The following MTFR2 variants were observed in gnomAD, a reference collection of about 807,000 sequenced individuals.
The protein encoded by MTFR2 is DUF729 domain-containing protein 1.
A neutral mutation model predicts 41.2 loss-of-function variants in MTFR2; 44 were observed. The ratio of observed to expected loss-of-function variants is 1.07; its 90% CI spans 0.84 to 1.37. The LOEUF (loss-of-function observed/expected upper bound fraction) is 1.37, where lower values mean the gene tolerates loss of function less well. Among genes scored for constraint, MTFR2 ranks in the 40% most tolerant of loss-of-function variants. The probability of loss-of-function intolerance (pLI) is 0.00; values close to 1 mark genes in which losing one functional copy is unlikely to be tolerated. For synonymous variants in MTFR2, 141 were observed against 154.6 expected (o/e 0.91, Z 0.65); for missense variants, 452 against 459.5 (o/e 0.98, Z 0.15).
At chr6:136,241,701 T>C in intron 4 of MTFR2, 25 bp from the exon 5 acceptor site, 1 of 1,544,132 alleles carries the variant, frequency 6.5e-7, no homozygotes, top group Non-Finnish European at 8.9e-7. Context: ...AAATAGGAAA[T>C]GGAGGGAAGA....
intron 6 of MTFR2, among the ~76,000 whole-genome samples, chr6:136,238,889 A>C (rs1779975432): frequency 1.3e-5 from 2 of 152,154 alleles, no homozygotes; most frequent in South Asian, 4.1e-4. Context: ...CAACATGGCG[A>C]AACCCCATCT....
At chr6:136,232,060 T>G (rs1263573943) in intron 7 of MTFR2, among the ~76,000 whole-genome samples, 1 of 152,184 alleles carries the variant, frequency 6.6e-6, no homozygotes, top group Non-Finnish European at 1.5e-5. Context: ...AAACATTTAT[T>G]TTAGACACAC....
intron 3 of MTFR2, 122 bp from the exon 4 acceptor site, chr6:136,243,095 G>C (rs1465049215): frequency 3.5e-6 from 2 of 572,614 alleles, no homozygotes; most frequent in Admixed American, 7.8e-5. Context: ...ATATTCAATA[G>C]AAAAACATGT....
rs1779753738 is a variant in MTFR2 at position 136,231,442 on chromosome 6, A to C, written c.1045-54T>G. ...AATTATTCTAATGTCAAAAAAAAAA[A>C]AGAATGGCAAGACAAAGGCCAGATG... On this transcript the variant is annotated intron_variant, in intron 7 of 7. Transcript: ENST00000420702. 25 of 1,121,240 alleles carry C rather than the reference A, an allele frequency of 2.2e-5. No homozygotes were observed. The South Asian group carries it at 3.5e-4, about 16-fold the overall frequency. The allele number at this position is 1,121,240 out of a possible 1,614,324, so 69.5% of individuals were successfully genotyped here.
chr6:136,239,638 A>C lies in MTFR2; in HGVS notation c.697T>G (p.Ser233Ala). 6.2e-7 allele frequency: 1 copy of C among 1,614,012 alleles called. No individual in the cohort carries two copies. The highest frequency in any genetic ancestry group is 8.5e-7 in the Non-Finnish European group (1 of 1,180,018). ...TTATCTGAGTCACAAATATTATTAG[A>C]TCCTGGTTGTACGGGAGGAAAACAC... ...PPCFPPVQPG[S>A]NNICDSDNPA... Residue 233 changes from serine to alanine, a missense_variant, in exon 6 of 8, where the codon TCT becomes GCT. By Grantham distance (99) the Ser-to-Ala change is moderately conservative (BLOSUM62 1). Transcript: ENST00000420702.
At chr6:136,231,429 GTC>G in intron 7 of MTFR2, 41 bp from the exon 8 acceptor site, 1 of 1,242,484 alleles carries the variant, frequency 8.0e-7, no homozygotes, top group Admixed American at 2.3e-5. Flanking sequence ...TTATTCTAAT[GTC>G]AAAAAAAAAA....
chr6:136,233,405 C>A lies in MTFR2; in HGVS notation c.964G>T (p.Ala322Ser). The change falls in exon 7 of 8, where the codon GCA becomes TCA. Residue 322 changes from alanine to serine, a missense_variant. By Grantham distance (99) the Ala-to-Ser change is moderately conservative (BLOSUM62 1). Transcript: ENST00000420702. ...TCAAAAGAATCATCTTCTTGAAATG[C>A]AAATTTCTGTTTAAGTGCATGAGAT... ...LISHALKQKF[A>S]FQEDDSFEKE... 1 of 1,611,638 alleles carries A rather than the reference C, an allele frequency of 6.2e-7. No individual in the cohort carries two copies. The highest frequency in any genetic ancestry group is 8.5e-7 in the Non-Finnish European group (1 of 1,178,582).
chr6:136,245,296 A>C (rs1780186984), intron 2 of MTFR2, among the ~76,000 whole-genome samples: 1 of 152,220 alleles, frequency 6.6e-6, no homozygotes, highest in Non-Finnish European at 1.5e-5. Context: ...GAGTATACTT[A>C]TGTAATTTCC....
intron 3 of MTFR2, among the ~76,000 whole-genome samples, 199 bp downstream of exon 3, chr6:136,244,566 C>T (rs1011781597): frequency 1.3e-5 from 2 of 152,162 alleles, no homozygotes; most frequent in African/African-American, 4.8e-5. Context: ...TGTATCCCCC[C>T]ATCATTAAAC....
chr6:136,235,110 G>A (rs1335425186), intron 6 of MTFR2, among the ~76,000 whole-genome samples: 7 of 152,086 alleles, frequency 4.6e-5, no homozygotes, highest in South Asian at 4.1e-4. Flanking sequence ...GGCTGGTCTC[G>A]AACTCCTGAC....
chr6:136,239,941 G>A, intron 5 of MTFR2, 121 bp from the exon 6 acceptor site: 2 of 737,616 alleles, frequency 2.7e-6, no homozygotes, highest in East Asian at 2.7e-5. Context: ...CGATATGGTA[G>A]CAAGGAAAGA....
At chr6:136,241,773 AAAAC>A in intron 4 of MTFR2, 97 bp from the exon 5 acceptor site, 1 of 933,092 alleles carries the variant, frequency 1.1e-6, no homozygotes, top group East Asian at 2.6e-5. Flanking sequence ...AAAAGACAAT[AAAAC>A]AAAATAAAAG....
At chr6:136,242,011 C>G (rs1211233043) in intron 4 of MTFR2, among the ~76,000 whole-genome samples, 1 of 134,638 alleles carries the variant, frequency 7.4e-6, no homozygotes, top group South Asian at 2.3e-4. Flanking sequence ...GCCTGGGAGG[C>G]AGAGGTTGTG....
intron 2 of MTFR2, among the ~76,000 whole-genome samples, chr6:136,246,065 C>T (rs1012069315): frequency 4.6e-5 from 7 of 152,216 alleles, no homozygotes; most frequent in African/African-American, 1.2e-4. Context: ...CATTCATCTG[C>T]GTACCCCTGC....
At chr6:136,231,669 T>TAAAAAAAAAAAAAAAAAAAAAAAAAAAAA (rs71006791) in intron 7 of MTFR2, among the ~76,000 whole-genome samples, 11 of 82,944 alleles carry the variant, frequency 1.3e-4, no homozygotes, top group African/African-American at 4.7e-4. Context: ...AAAAACTATG[T>TAAAAAAAAAAAAAAAAAAAAAAAAAAAAA]AAAAAAAAAA....
intron 6 of MTFR2, among the ~76,000 whole-genome samples, chr6:136,234,415 C>A (rs1343917967): frequency 2.0e-5 from 3 of 151,674 alleles, no homozygotes; most frequent in African/African-American, 7.3e-5. Context: ...TTTAAGGAAG[C>A]AACATCCTCT....
intron 4 of MTFR2, among the ~76,000 whole-genome samples, chr6:136,242,315 C>T (rs1051302109): frequency 2.0e-5 from 3 of 151,976 alleles, no homozygotes; most frequent in African/African-American, 4.8e-5. Context: ...TAACTTTAAA[C>T]GCAGGTAAGT....
intron 3 of MTFR2, among the ~76,000 whole-genome samples, chr6:136,244,027 T>C (rs912681798): frequency 6.6e-6 from 1 of 152,186 alleles, no homozygotes; most frequent in African/African-American, 2.4e-5. Flanking sequence ...TGTATAGCAG[T>C]ACAATGTGTG....
chr6:136,234,055 GGCACGGTA>G (rs539938859), intron 6 of MTFR2, among the ~76,000 whole-genome samples: 191 of 152,114 alleles, frequency 1.3e-3, no homozygotes, highest in African/African-American at 4.4e-3. Flanking sequence ...ACAGAGGCTG[GGCACGGTA>G]GCTCATGCCT....
Sources: gnomAD v4.1 joint callset for allele counts (sites outside exome capture counted in the v4.1 genomes callset) on GRCh38, gnomAD v4.1.1 for gene constraint, MANE v1.5 for transcripts, NCBI Gene and HGNC (gene_info 2026-07-23, HGNC 2026-07-21) for gene names.